GFOD1: variants seen among roughly 807,000 people sequenced by gnomAD.
GFOD1 encodes the protein Gfo/Idh/MocA-like oxidoreductase domain containing 1.
Under a neutral mutation model 25.4 loss-of-function variants are expected in GFOD1, and 9 were observed. The observed-to-expected ratio is 0.35, with a 90% CI of 0.21 to 0.62. The LOEUF (loss-of-function observed/expected upper bound fraction) is 0.62. GFOD1 is among the 20% of genes least tolerant of loss of function. The pLI, the probability that GFOD1 is intolerant of heterozygous loss-of-function variation, is 0.72. For missense variants in GFOD1, 403 were observed against 556.9 expected, an observed-to-expected ratio of 0.72 and a Z score of 2.78; for synonymous variants, 253 against 245.6, an observed-to-expected ratio of 1.03 and a Z score of -0.28.
intron 1 of GFOD1, among the ~76,000 whole-genome samples, chr6:13,438,846 G>A (rs1757871737): frequency 6.6e-6 from 1 of 152,174 alleles, no homozygotes; most frequent in Non-Finnish European, 1.5e-5. Context: ...AATCTGTACT[G>A]GAGCTGGTAC....
At chr6:13,409,215 G>GAAAGAAAGAAAGAA (rs1562209633) in intron 1 of GFOD1, among the ~76,000 whole-genome samples, 1 of 34,106 alleles carries the variant, frequency 2.9e-5, no homozygotes. Flanking sequence ...AAGAAGGAAA[G>GAAAGAAAGAAAGAA]AGAGAGAGAG....
At chr6:13,448,235 G>A (rs1326889527) in intron 1 of GFOD1, among the ~76,000 whole-genome samples, 2 of 152,136 alleles carry the variant, frequency 1.3e-5, no homozygotes, top group African/African-American at 4.8e-5. Flanking sequence ...CCTGACTCTG[G>A]GGACAATCAT....
At chr6:13,486,586 G>A in intron 1 of GFOD1, 52 bp downstream of exon 1, 4 of 1,423,168 alleles carry the variant, frequency 2.8e-6, no homozygotes, top group South Asian at 1.2e-5. Context: ...GGAACCTAGA[G>A]AAGGTTAAAG....
intron 1 of GFOD1, among the ~76,000 whole-genome samples, chr6:13,482,533 G>A (rs941871174): frequency 6.6e-6 from 1 of 152,042 alleles, no homozygotes; most frequent in Non-Finnish European, 1.5e-5. Context: ...GATCACCTGA[G>A]GTCAAGAGTT....
intron 1 of GFOD1, among the ~76,000 whole-genome samples, chr6:13,471,117 C>T (rs73725837): frequency 0.017 from 2,660 of 152,212 alleles, 81 homozygotes; most frequent in African/African-American, 0.06. Flanking sequence ...CATGGAACTG[C>T]ACAGCATGTT....
At chr6:13,459,693 A>G (rs1016803729) in intron 1 of GFOD1, among the ~76,000 whole-genome samples, 1 of 152,248 alleles carries the variant, frequency 6.6e-6, no homozygotes, top group Non-Finnish European at 1.5e-5. Context: ...GGCAAAGGAC[A>G]TAAACAGACA....
intron 1 of GFOD1, among the ~76,000 whole-genome samples, chr6:13,427,810 G>A (rs1193687296): frequency 2.6e-5 from 4 of 152,196 alleles, no homozygotes; most frequent in African/African-American, 7.2e-5. Flanking sequence ...AGACTTGTAC[G>A]TAATTCCTGG....
intron 1 of GFOD1, among the ~76,000 whole-genome samples, chr6:13,416,158 G>A (rs898163535): frequency 1.3e-5 from 2 of 152,214 alleles, no homozygotes; most frequent in Non-Finnish European, 2.9e-5. Context: ...CTGCCGCCTT[G>A]TGAAGAAGGT....
At chr6:13,426,642 C>T (rs897413442) in intron 1 of GFOD1, among the ~76,000 whole-genome samples, 8 of 152,130 alleles carry the variant, frequency 5.3e-5, no homozygotes, top group African/African-American at 1.7e-4. Context: ...GTCCAGGGAG[C>T]ACCTGGGACA....
intron 1 of GFOD1, among the ~76,000 whole-genome samples, chr6:13,423,427 A>C (rs1786294934): frequency 6.6e-6 from 1 of 152,184 alleles, no homozygotes; most frequent in African/African-American, 2.4e-5. Context: ...TCCTCACCCC[A>C]GCATTGAGGC....
chr6:13,400,769 A>G (rs1228269921), intron 1 of GFOD1, among the ~76,000 whole-genome samples: 1 of 152,204 alleles, frequency 6.6e-6, no homozygotes, highest in Non-Finnish European at 1.5e-5. Flanking sequence ...AGACAACACC[A>G]TATCTGGTGA....
chr6:13,447,914 A>AT (rs534129725), intron 1 of GFOD1, among the ~76,000 whole-genome samples: 63 of 152,208 alleles, frequency 4.1e-4, no homozygotes, highest in Non-Finnish European at 7.6e-4. Context: ...CTGGAACTCT[A>AT]TCCTGAGGGT....
At position 13,358,026 on chromosome 6, in the gene GFOD1, G is replaced by C. The variant is rs1784894409; in HGVS notation, c.*6717C>G. 6.6e-6 allele frequency: 1 copy of C among 152,232 alleles called. No individual in the cohort carries two copies. The highest frequency in any genetic ancestry group is 2.4e-5 in the African/African-American group (1 of 41,468). 9.4% of individuals were successfully genotyped at this position (152,232 alleles called of 1,614,324 possible). A position where few individuals can be genotyped will look rare whatever the true frequency, so the allele number is the denominator to read the frequency against. ...CTGGAGCTCCTAGCGGCAGGCACAG[G>C]GCTGCTGGAGGCCCGCAGGGAGGGC... On this transcript the variant is annotated 3_prime_UTR_variant, in exon 2 of 2. Transcript: ENST00000379287.
At chr6:13,372,844 G>A (rs1785177755) in intron 1 of GFOD1, among the ~76,000 whole-genome samples, 2 of 152,110 alleles carry the variant, frequency 1.3e-5, no homozygotes, top group Non-Finnish European at 2.9e-5. Context: ...TACTTTCCAC[G>A]AGTTCCTCCC....
chr6:13,393,770 TTTTTC>T (rs1361593019), intron 1 of GFOD1, among the ~76,000 whole-genome samples: 1 of 131,824 alleles, frequency 7.6e-6, no homozygotes, highest in African/African-American at 2.6e-5. Flanking sequence ...GCCAATTTCT[TTTTTC>T]TTTTCTTTTT....
intron 1 of GFOD1, among the ~76,000 whole-genome samples, chr6:13,384,697 C>G (rs541760188): frequency 6.6e-6 from 1 of 152,180 alleles, no homozygotes; most frequent in Non-Finnish European, 1.5e-5. Flanking sequence ...GCTAACTCGC[C>G]GGTTCCACAG....
chr6:13,474,320 G>A (rs1029132038), intron 1 of GFOD1, among the ~76,000 whole-genome samples: 4 of 152,054 alleles, frequency 2.6e-5, no homozygotes, highest in Admixed American at 2.0e-4. Context: ...CAGAGGTTGC[G>A]GTGAGCTGAG....
intron 1 of GFOD1, among the ~76,000 whole-genome samples, chr6:13,427,471 G>A (rs911209099): frequency 1.3e-5 from 2 of 152,128 alleles, no homozygotes; most frequent in African/African-American, 4.8e-5. Context: ...ACCACCCTGG[G>A]CAATATGGTG....
Position 13,362,430 on chromosome 6 carries a change from C to G in GFOD1, c.*2313G>C, listed in dbSNP as rs1236234250. The stretch of plus-strand genomic sequence containing the variant: ...TGAGCTGAGATCACACCACTGCACT[C>G]CAGCTTGGGTGACAGAGCGAGACTC... On this transcript the variant is annotated 3_prime_UTR_variant, in exon 2 of 2. Transcript: ENST00000379287. The G allele has an allele frequency of 6.7e-6, 1 of 149,626 alleles. No individual in the cohort carries two copies. The highest frequency in any genetic ancestry group is 1.5e-5 in the Non-Finnish European group (1 of 67,932). 9.3% of individuals were successfully genotyped at this position (149,626 alleles called of 1,614,324 possible). A position where few individuals can be genotyped will look rare whatever the true frequency, so the allele number is the denominator to read the frequency against.
Sources: gnomAD v4.1 joint callset for allele counts (sites outside exome capture counted in the v4.1 genomes callset) on GRCh38, gnomAD v4.1.1 for gene constraint, MANE v1.5 for transcripts, NCBI Gene and HGNC (gene_info 2026-07-23, HGNC 2026-07-21) for gene names.